The following CADPS variants were observed in gnomAD, a reference collection of about 807,000 sequenced individuals.
The protein encoded by CADPS is calcium-dependent secretion activator 1.
A neutral mutation model predicts 167.3 loss-of-function variants in CADPS; 57 were observed. The ratio of observed to expected loss-of-function variants is 0.34; its 90% confidence interval spans 0.28 to 0.42. The LOEUF is 0.42. Among genes scored for constraint, CADPS ranks in the 20% least tolerant of loss-of-function variants. The pLI is 1.00. For synonymous variants in CADPS, 676 were observed against 635.3 expected, an observed-to-expected ratio of 1.06 and a Z score of -0.96; for missense variants, 1,414 against 1,738.1, an observed-to-expected ratio of 0.81 and a Z score of 3.32.
intron 17 of CADPS, among the ~76,000 whole-genome samples, chr3:62,505,476 C>T (rs1378827120): frequency 2.0e-5 from 3 of 152,064 alleles, no homozygotes; most frequent in Non-Finnish European, 2.9e-5. Context: ...ACACTCTTGC[C>T]GAGGGGGTGG....
chr3:62,529,256 T>C (rs2073081198), intron 13 of CADPS, among the ~76,000 whole-genome samples: 1 of 152,182 alleles, frequency 6.6e-6, no homozygotes, highest in Non-Finnish European at 1.5e-5. Context: ...AAAAATGCAA[T>C]GCAAACAAAG....
At chr3:62,662,136 T>G (rs2073385015) in intron 4 of CADPS, among the ~76,000 whole-genome samples, 178 bp downstream of exon 4, 1 of 152,098 alleles carries the variant, frequency 6.6e-6, no homozygotes, top group Admixed American at 6.6e-5. Context: ...ATGCATGAGG[T>G]ATCTCTGGGA....
chr3:62,846,723 G>A (rs1412415226), intron 1 of CADPS, among the ~76,000 whole-genome samples: 1 of 152,084 alleles, frequency 6.6e-6, no homozygotes, highest in African/African-American at 2.4e-5. Context: ...GAGTGCAGTG[G>A]CACGATCTTG....
chr3:62,761,429 C>A (rs775676534), intron 2 of CADPS, among the ~76,000 whole-genome samples: 1 of 151,984 alleles, frequency 6.6e-6, no homozygotes, highest in Non-Finnish European at 1.5e-5. Flanking sequence ...CACTCACACA[C>A]CCCAAACAAA....
At chr3:62,853,691 T>A (rs1348438473) in intron 1 of CADPS, among the ~76,000 whole-genome samples, 1 of 151,032 alleles carries the variant, frequency 6.6e-6, no homozygotes, top group Non-Finnish European at 1.5e-5. Flanking sequence ...CCAGGCCCAG[T>A]GGCTCACGCC....
At chr3:62,700,046 T>C (rs1377080891) in intron 3 of CADPS, among the ~76,000 whole-genome samples, 1 of 152,144 alleles carries the variant, frequency 6.6e-6, no homozygotes, top group African/African-American at 2.4e-5. Context: ...CAAGTCTGTA[T>C]GAACTCTATG....
At chr3:62,573,775 C>T (rs1489101220) in intron 8 of CADPS, among the ~76,000 whole-genome samples, 9 of 152,136 alleles carry the variant, frequency 5.9e-5, no homozygotes. Context: ...TATCACACAG[C>T]TTTAATTTAT....
intron 6 of CADPS, among the ~76,000 whole-genome samples, chr3:62,598,374 TG>T (rs992056155): frequency 6.6e-6 from 1 of 152,198 alleles, no homozygotes; most frequent in African/African-American, 2.4e-5. Flanking sequence ...GGCCTTTTTT[TG>T]TCAATGCTTC....
chr3:62,576,899 G>A (rs2082399882), intron 8 of CADPS, among the ~76,000 whole-genome samples: 1 of 150,842 alleles, frequency 6.6e-6, no homozygotes, highest in Non-Finnish European at 1.5e-5. Flanking sequence ...TGGGTTTGGA[G>A]CTCCAGGCCA....
intron 1 of CADPS, among the ~76,000 whole-genome samples, chr3:62,780,627 T>A (rs887268366): frequency 6.6e-6 from 1 of 152,188 alleles, no homozygotes; most frequent in Admixed American, 6.5e-5. Context: ...AGAATACTGA[T>A]AAGTTGCAAA....
intron 8 of CADPS, among the ~76,000 whole-genome samples, chr3:62,571,574 T>A (rs920829145): frequency 6.6e-6 from 1 of 152,140 alleles, no homozygotes; most frequent in Non-Finnish European, 1.5e-5. Context: ...TTACTTTTTT[T>A]TTTTTTTGGG....
chr3:62,698,636 TC>T (rs1194453195), intron 3 of CADPS, among the ~76,000 whole-genome samples: 2 of 34,156 alleles, frequency 5.9e-5, no homozygotes, highest in East Asian at 0.028. Flanking sequence ...CTTGTTCTTC[TC>T]CTTCTCCTTC....
At chr3:62,790,955 G>C (rs1559635890) in intron 1 of CADPS, among the ~76,000 whole-genome samples, 1 of 151,304 alleles carries the variant, frequency 6.6e-6, no homozygotes, top group East Asian at 1.9e-4. Context: ...TTTAAAAATG[G>C]TGACTTTTTT....
chr3:62,740,829 T>G (rs549808626), intron 3 of CADPS, among the ~76,000 whole-genome samples: 6 of 152,374 alleles, frequency 3.9e-5, no homozygotes, highest in African/African-American at 1.4e-4. Context: ...ATCTGTTTTA[T>G]AGAAAAGTTA....
At chr3:62,734,105 G>A (rs1564458364) in intron 3 of CADPS, among the ~76,000 whole-genome samples, 1 of 152,128 alleles carries the variant, frequency 6.6e-6, no homozygotes, top group Non-Finnish European at 1.5e-5. Context: ...ATATGCATAT[G>A]CATGTGTCTT....
Position 62,713,629 on chromosome 3 carries a change from C to T in CADPS, c.888+39812G>A, listed in dbSNP as rs1281008873. ...CCTGCTCTGCTGCTGCTGTACCCTG[C>T]CGCTTCCATTAAAGTTGCTGTTTAA... On this transcript the variant is annotated intron_variant, in intron 3 of 29. Coordinates refer to ENST00000383710, the MANE Select transcript of CADPS (RefSeq NM_003716.4). Among the ~76,000 whole-genome samples the T allele has an allele frequency of 2.6e-5, 4 of 152,346 alleles. No individual in the cohort carries two copies. In the East Asian group the frequency reaches 7.7e-4, roughly 29 times the overall value.
intron 3 of CADPS, among the ~76,000 whole-genome samples, chr3:62,664,238 C>T (rs894167596): frequency 6.6e-6 from 1 of 152,214 alleles, no homozygotes; most frequent in African/African-American, 2.4e-5. Context: ...GAACTCCTGA[C>T]CTCGTGATAC....
chr3:62,710,406 A>C lies in CADPS; in HGVS notation c.888+43035T>G, dbSNP rs546870440. ...TTTAAAAAGTTGAGATATAATTAAA[A>C]AAAAAATCTGAGATAAACCTTGGGA... On this transcript the variant is annotated intron_variant, in intron 3 of 29. Coordinates refer to ENST00000383710, the MANE Select transcript of CADPS (RefSeq NM_003716.4). Among the ~76,000 whole-genome samples the C allele has an allele frequency of 2.8e-4, 43 of 152,282 alleles. No homozygotes were observed. The South Asian group carries it at 7.7e-3, about 27-fold the overall frequency.
chr3:62,737,292 T>TAAAAAC (rs968203494), intron 3 of CADPS, among the ~76,000 whole-genome samples: 2 of 150,942 alleles, frequency 1.3e-5, no homozygotes, highest in East Asian at 2.0e-4. Context: ...CTACAAAAAT[T>TAAAAAC]AAAAACAAAA....
Sources: gnomAD v4.1 joint callset for allele counts (sites outside exome capture counted in the v4.1 genomes callset) on GRCh38, gnomAD v4.1.1 for gene constraint, MANE v1.5 for transcripts, NCBI Gene and HGNC (gene_info 2026-07-23, HGNC 2026-07-21) for gene names.